SRRM4: variants seen among roughly 807,000 people sequenced by gnomAD.
The protein encoded by SRRM4 is serine/arginine repetitive matrix protein 4.
SRRM4 carries 33 observed loss-of-function variants against 68.9 expected under a neutral mutation model. That is an observed-to-expected ratio of 0.48 (90% CI 0.36 to 0.64). The LOEUF (loss-of-function observed/expected upper bound fraction) is 0.64, where lower values mean the gene tolerates loss of function less well. Among genes scored for constraint, SRRM4 ranks in the 30% least tolerant of loss-of-function variants. The pLI, the probability that SRRM4 is intolerant of heterozygous loss-of-function variation, is 0.00. For synonymous variants in SRRM4, 318 were observed against 318.8 expected (o/e 1.00, Z 0.03); for missense variants, 817 against 827.1 (o/e 0.99, Z 0.15).
chr12:119,129,124 A>G (rs903938839), intron 7 of SRRM4, among the ~76,000 whole-genome samples: 2 of 152,206 alleles, frequency 1.3e-5, no homozygotes, highest in African/African-American at 2.4e-5. Flanking sequence ...TGACCTCAGG[A>G]AGATCCCTAA....
chr12:119,079,384 G>A (rs920028786), intron 1 of SRRM4, among the ~76,000 whole-genome samples: 1 of 152,082 alleles, frequency 6.6e-6, no homozygotes. Context: ...TTATAAAGAC[G>A]GTCCTAGCTG....
chr12:118,991,504 C>A (rs1237303540), intron 1 of SRRM4, among the ~76,000 whole-genome samples: 1 of 152,186 alleles, frequency 6.6e-6, no homozygotes, highest in Non-Finnish European at 1.5e-5. Flanking sequence ...TAAAGCATAC[C>A]TCTCCTAACG....
intron 2 of SRRM4, among the ~76,000 whole-genome samples, chr12:119,111,473 T>G (rs73213743): frequency 0.039 from 5,990 of 152,290 alleles, 135 homozygotes; most frequent in African/African-American, 0.056. Flanking sequence ...AATCATGCTC[T>G]CCTGGGACCC....
intron 1 of SRRM4, among the ~76,000 whole-genome samples, chr12:119,049,335 G>A (rs2136015971): frequency 6.6e-6 from 1 of 152,324 alleles, no homozygotes; most frequent in Non-Finnish European, 1.5e-5. Flanking sequence ...CTAGTGGTGG[G>A]TGTATACTTG....
At chr12:119,152,071 T>A (rs1037336142) in intron 10 of SRRM4, among the ~76,000 whole-genome samples, 3 of 152,196 alleles carry the variant, frequency 2.0e-5, no homozygotes, top group African/African-American at 7.2e-5. Flanking sequence ...AGAATAATAA[T>A]GTAGCAGAAT....
chr12:119,024,658 A>G (rs1005165730), intron 1 of SRRM4, among the ~76,000 whole-genome samples: 1 of 152,114 alleles, frequency 6.6e-6, no homozygotes, highest in South Asian at 2.1e-4. Flanking sequence ...GTGCATTTAA[A>G]CTGAGCTTCC....
At chr12:119,021,937 A>G (rs1953518868) in intron 1 of SRRM4, among the ~76,000 whole-genome samples, 1 of 152,176 alleles carries the variant, frequency 6.6e-6, no homozygotes, top group Admixed American at 6.5e-5. Flanking sequence ...TCCTTTGGGT[A>G]TATACCCAGT....
chr12:119,143,122 C>T (rs1954376479), intron 8 of SRRM4, among the ~76,000 whole-genome samples: 1 of 152,240 alleles, frequency 6.6e-6, no homozygotes, highest in Non-Finnish European at 1.5e-5. Flanking sequence ...TGCAAAGCCT[C>T]CTGGGAGAAT....
intron 1 of SRRM4, among the ~76,000 whole-genome samples, chr12:119,059,069 T>A (rs1187377908): frequency 2.0e-5 from 3 of 152,194 alleles, no homozygotes; most frequent in Non-Finnish European, 2.9e-5. Context: ...GCTCAAGATC[T>A]GTGAACAATA....
Position 119,154,475 on chromosome 12 carries a change from T to A in SRRM4, c.1532+92T>A. The A allele has an allele frequency of 2.8e-6, 4 of 1,421,132 alleles. No homozygotes were observed. The highest frequency in any genetic ancestry group is 2.9e-6 in the Non-Finnish European group (3 of 1,034,350). The allele number at this position is 1,421,132 out of a possible 1,614,324, so 88.0% of individuals were successfully genotyped here. A position where few individuals can be genotyped will look rare whatever the true frequency, so the allele number is the denominator to read the frequency against. ...GCCTCAGGCTCTCCCTAGGCCTCCTTGGGGCTGGGATTTAGGATTGTGCGA... is the reference window on the plus strand; with the variant it reads ...GCCTCAGGCTCTCCCTAGGCCTCCTAGGGGCTGGGATTTAGGATTGTGCGA... On this transcript the variant is annotated intron_variant, in intron 12 of 12. Coordinates refer to ENST00000267260, the MANE Select transcript of SRRM4 (RefSeq NM_194286.4). The surrounding 1 kb of genome is among the most constrained non-coding windows in gnomAD (Gnocchi z 4.7).
intron 1 of SRRM4, chr12:118,992,183 C>T (rs1353455073): frequency 1.3e-5 from 2 of 152,190 alleles, no homozygotes; most frequent in East Asian, 1.9e-4. Flanking sequence ...GAGAGATTTG[C>T]CTAAGGTCTG....
In SRRM4 at chr12:119,151,183, A is replaced by G; in HGVS notation, c.1243A>G (p.Arg415Gly). Residue 415 changes from arginine (R) to glycine (G), a missense_variant, in exon 10 of 13, where the codon AGG becomes GGG. Transcript: ENST00000267260. ...ATCCCCAAATCCCAGGGCTTCCCCC[A>G]GGTACACCCAAAGCCGATCCACCTC... ...SRSPNPRASP[R>G]YTQSRSTSSE... 6.2e-7 allele frequency: 1 copy of G among 1,614,014 alleles called. No homozygotes were observed. Among genetic ancestry groups the G allele is most frequent in the Non-Finnish European group, 8.5e-7 (1 of 1,179,884 alleles).
chr12:119,032,311 A>G (rs1191195633), intron 1 of SRRM4, among the ~76,000 whole-genome samples: 6 of 152,234 alleles, frequency 3.9e-5, no homozygotes, highest in Admixed American at 1.3e-4. Context: ...AAATTGTAAG[A>G]TAAAAAAGAC....
At chr12:119,041,077 T>A (rs1042173273) in intron 1 of SRRM4, among the ~76,000 whole-genome samples, 1 of 152,174 alleles carries the variant, frequency 6.6e-6, no homozygotes, top group African/African-American at 2.4e-5. Context: ...CTACTCGTTA[T>A]ATCCAGGCAT....
In SRRM4 at chr12:119,161,105, C is replaced by T. The variant is rs1954510472; in HGVS notation, c.*4307C>T. 6.6e-6 allele frequency: 1 copy of T among 152,188 alleles called. No homozygotes were observed. The highest frequency in any genetic ancestry group is 1.5e-5 in the Non-Finnish European group (1 of 68,048). 9.4% of individuals were successfully genotyped at this position (152,188 alleles called of 1,614,324 possible). On this transcript the variant is annotated 3_prime_UTR_variant, in exon 13 of 13. Transcript: ENST00000267260. ...CCAAAATTCAGGGTGCTCTCAAAGG[C>T]AAAGAAAGCACATTGTTTTCCTTCT...
intron 1 of SRRM4, among the ~76,000 whole-genome samples, chr12:119,027,065 G>A (rs1953553424): frequency 2.0e-5 from 3 of 152,156 alleles, no homozygotes; most frequent in Admixed American, 2.0e-4. Context: ...GCTGATGTCT[G>A]GGAGTGATGT....
chr12:119,070,283 G>A (rs977235645), intron 1 of SRRM4, among the ~76,000 whole-genome samples: 4 of 151,134 alleles, frequency 2.6e-5, no homozygotes, highest in African/African-American at 4.9e-5. Context: ...TCAAGCATAC[G>A]TTCATTCAAT....
chr12:119,120,073 T>C (rs1954209428), intron 4 of SRRM4, among the ~76,000 whole-genome samples, 177 bp from the exon 5 acceptor site: 1 of 151,542 alleles, frequency 6.6e-6, no homozygotes, highest in Admixed American at 6.6e-5. Flanking sequence ...AAAAAAACTT[T>C]CAAACTCACC....
chr12:119,102,276 G>C lies in SRRM4; in HGVS notation c.172G>C (p.Gly58Arg). 2 of 1,613,784 alleles carry C rather than the reference G, an allele frequency of 1.2e-6. No individual in the cohort carries two copies. Among genetic ancestry groups the C allele is most frequent in the Non-Finnish European group, 1.7e-6 (2 of 1,179,810 alleles). ...QNNPVVPAQD[G>R]PSEKLGQHLA... ...TAACCCCGTTGTCCCAGCTCAGGAT[G>C]GACCCTCAGAAAAGCTGGGTCAGCA... is the stretch of plus-strand genomic sequence containing the variant. The change falls in exon 2 of 13, where the codon GGA becomes CGA. Residue 58 changes from glycine (G) to arginine (R), a missense_variant. Gly to Arg is a moderately radical substitution (Grantham distance 125). Coordinates refer to ENST00000267260, the MANE Select transcript of SRRM4 (RefSeq NM_194286.4).
Sources: allele counts gnomAD v4.1 joint callset (sites outside exome capture counted in the v4.1 genomes callset), GRCh38; gene constraint gnomAD v4.1.1; non-coding constraint Gnocchi (gnomAD v3.1); transcripts MANE v1.5; gene names NCBI Gene and HGNC (gene_info 2026-07-23, HGNC 2026-07-21).